The following MDGA2 variants were observed in gnomAD, a reference collection of about 807,000 sequenced individuals.
MDGA2 encodes MAM domain-containing glycosylphosphatidylinositol anchor protein 2.
In MDGA2, 40 loss-of-function variants were observed where a neutral mutation model predicts 117.8. The observed-to-expected ratio is 0.34, with a 90% CI of 0.26 to 0.44. MDGA2 has a LOEUF of 0.44. Among genes scored for constraint, MDGA2 ranks in the 20% least tolerant of loss-of-function variants. MDGA2 has a pLI of 1.00. For missense variants in MDGA2, 1,123 were observed against 1,250.6 expected, an observed-to-expected ratio of 0.90 and a Z score of 1.54; for synonymous variants, 452 against 439.0, an observed-to-expected ratio of 1.03 and a Z score of -0.37.
chr14:47,296,894 A>G (rs1354613759), intron 2 of MDGA2, among the ~76,000 whole-genome samples: 5 of 152,218 alleles, frequency 3.3e-5, no homozygotes, highest in Non-Finnish European at 5.9e-5. Context: ...GCACCCATAC[A>G]AAGAACTATT....
intron 1 of MDGA2, among the ~76,000 whole-genome samples, chr14:47,356,922 C>A (rs1891007100): frequency 1.3e-5 from 2 of 152,140 alleles, no homozygotes; most frequent in Admixed American, 6.5e-5. Flanking sequence ...GATAAACAAC[C>A]CCCTGCATAT....
At chr14:47,266,691 T>C (rs1401740219) in intron 2 of MDGA2, among the ~76,000 whole-genome samples, 1 of 152,184 alleles carries the variant, frequency 6.6e-6, no homozygotes, top group East Asian at 1.9e-4. Flanking sequence ...GAGTGACTGA[T>C]TTCTGGTTCT....
At chr14:47,500,075 G>A (rs1160737726) in intron 1 of MDGA2, among the ~76,000 whole-genome samples, 1 of 152,110 alleles carries the variant, frequency 6.6e-6, no homozygotes, top group African/African-American at 2.4e-5. Context: ...TCACAAAACA[G>A]TATGATAAAG....
At chr14:47,084,765 C>T (rs1452729419) in intron 6 of MDGA2, among the ~76,000 whole-genome samples, 3 of 152,074 alleles carry the variant, frequency 2.0e-5, no homozygotes, top group Non-Finnish European at 4.4e-5. Flanking sequence ...TGCTCTATTC[C>T]ATGTGAGGAT....
intron 1 of MDGA2, among the ~76,000 whole-genome samples, chr14:47,529,613 A>C (rs1436055236): frequency 6.6e-6 from 1 of 152,180 alleles, no homozygotes; most frequent in Non-Finnish European, 1.5e-5. Context: ...TTTTTTAAAC[A>C]TTCTTAGTGA....
intron 1 of MDGA2, among the ~76,000 whole-genome samples, chr14:47,460,328 T>G (rs1362717302): frequency 1.3e-5 from 2 of 152,100 alleles, no homozygotes; most frequent in Non-Finnish European, 2.9e-5. Context: ...TAAAGAAGGT[T>G]TGAAATGATT....
intron 1 of MDGA2, among the ~76,000 whole-genome samples, chr14:47,671,327 A>T (rs1054623298): frequency 1.9e-4 from 29 of 152,348 alleles, no homozygotes; most frequent in Non-Finnish European, 2.2e-4. Context: ...AACAGGAAGA[A>T]GATTAAAATA....
chr14:46,967,276 C>T lies in MDGA2; in HGVS notation c.1820-9633G>A, dbSNP rs766273215. Among the ~76,000 whole-genome samples, 75 of 152,068 alleles carry T rather than the reference C, an allele frequency of 4.9e-4. 1 individual carries two copies. The highest frequency in any genetic ancestry group is 7.4e-4 in the Non-Finnish European group (50 of 68,016). ...TAATTATTTAACCATTGGAGGAGCA[C>T]TGAGAAATATGTACTCATTAGAGTG... On this transcript the variant is annotated intron_variant, in intron 8 of 16. Coordinates refer to ENST00000399232, the MANE Select transcript of MDGA2 (RefSeq NM_001113498.3).
intron 8 of MDGA2, among the ~76,000 whole-genome samples, chr14:46,966,435 C>G (rs1886033910): frequency 6.6e-6 from 1 of 152,130 alleles, no homozygotes; most frequent in South Asian, 2.1e-4. Flanking sequence ...AGAGGTTGAC[C>G]TACTCACACC....
intron 1 of MDGA2, among the ~76,000 whole-genome samples, chr14:47,496,103 A>T (rs1458611252): frequency 6.6e-6 from 1 of 152,146 alleles, no homozygotes; most frequent in Non-Finnish European, 1.5e-5. Context: ...TATATTAATA[A>T]TTATTTGCTT....
At chr14:46,851,692 T>C (rs1366261142) in intron 15 of MDGA2, among the ~76,000 whole-genome samples, 1 of 151,846 alleles carries the variant, frequency 6.6e-6, no homozygotes, top group East Asian at 1.9e-4. Flanking sequence ...ATATTCTGTG[T>C]AAAATTTCAA....
At chr14:46,969,148 A>C (rs1327421743) in intron 8 of MDGA2, among the ~76,000 whole-genome samples, 1 of 152,072 alleles carries the variant, frequency 6.6e-6, no homozygotes, top group African/African-American at 2.4e-5. Flanking sequence ...CCAGTCTATC[A>C]TTGTTGGACA....
chr14:47,588,228 A>C (rs1287745807), intron 1 of MDGA2, among the ~76,000 whole-genome samples: 1 of 83,792 alleles, frequency 1.2e-5, no homozygotes, highest in Non-Finnish European at 2.4e-5. Context: ...AATCTCTTGG[A>C]GATAGATAGA....
chr14:46,893,219 A>C (rs1882948454), intron 10 of MDGA2, among the ~76,000 whole-genome samples: 1 of 152,058 alleles, frequency 6.6e-6, no homozygotes, highest in Admixed American at 6.6e-5. Flanking sequence ...AGAAGAATTA[A>C]GCTAAGTAAA....
chr14:47,233,038 T>C (rs1380263700), intron 2 of MDGA2, among the ~76,000 whole-genome samples: 2 of 152,190 alleles, frequency 1.3e-5, no homozygotes, highest in Middle Eastern at 3.2e-3. Context: ...TGAAAGTAAC[T>C]GCTATTATAA....
chr14:47,471,101 T>A (rs1893715927), intron 1 of MDGA2, among the ~76,000 whole-genome samples: 1 of 152,124 alleles, frequency 6.6e-6, no homozygotes, highest in Admixed American at 6.6e-5. Context: ...TCAAATATTG[T>A]GAGTTGATAG....
chr14:47,257,661 A>C (rs1029191343), intron 2 of MDGA2, among the ~76,000 whole-genome samples: 2 of 152,120 alleles, frequency 1.3e-5, no homozygotes, highest in Non-Finnish European at 2.9e-5. Flanking sequence ...ATAATTTTTT[A>C]AACTGACTAC....
chr14:47,389,107 C>T (rs187709751), intron 1 of MDGA2, among the ~76,000 whole-genome samples: 29 of 152,302 alleles, frequency 1.9e-4, no homozygotes, highest in Non-Finnish European at 8.8e-5. Flanking sequence ...CATTTCACCA[C>T]CAAAATCCTA....
At chr14:47,496,931 C>T (rs1284572015) in intron 1 of MDGA2, among the ~76,000 whole-genome samples, 1 of 151,918 alleles carries the variant, frequency 6.6e-6, no homozygotes, top group Non-Finnish European at 1.5e-5. Flanking sequence ...CTCAGATCAT[C>T]AGGCATTAGA....
Sources: allele counts gnomAD v4.1 joint callset (sites outside exome capture counted in the v4.1 genomes callset), GRCh38; gene constraint gnomAD v4.1.1; transcripts MANE v1.5; gene names NCBI Gene and HGNC (gene_info 2026-07-23, HGNC 2026-07-21).